Variants in PTPRT observed in about 807,000 individuals in gnomAD.
The protein encoded by PTPRT is protein tyrosine phosphatase receptor type T, also known as receptor-type tyrosine-protein phosphatase T.
PTPRT carries 56 observed loss-of-function variants against 176.8 expected under a neutral mutation model. The ratio of observed to expected loss-of-function variants is 0.32; its 90% CI spans 0.26 to 0.40. PTPRT has a LOEUF of 0.40. Ranked by LOEUF, PTPRT falls within the 10% of genes least tolerant of loss-of-function variation. The probability of loss-of-function intolerance (pLI) is 1.00; values close to 1 mark genes in which losing one functional copy is unlikely to be tolerated. For synonymous variants in PTPRT, 783 were observed against 739.0 expected, an observed-to-expected ratio of 1.06 and a Z score of -0.96; for missense variants, 1,540 against 1,908.2, an observed-to-expected ratio of 0.81 and a Z score of 3.60.
chr20:42,958,169 TAGAG>T (rs1486767658), intron 1 of PTPRT, among the ~76,000 whole-genome samples: 1 of 60,574 alleles, frequency 1.7e-5, no homozygotes, highest in Non-Finnish European at 3.0e-5. Context: ...GAAGGAGAGA[TAGAG>T]AGAGGGAGAG....
intron 1 of PTPRT, among the ~76,000 whole-genome samples, chr20:43,140,442 TAGTGTGTGTGTGTGTGTGTGTGTGTG>T (rs1465907809): frequency 8.1e-6 from 1 of 123,544 alleles, no homozygotes; most frequent in African/African-American, 3.4e-5. Flanking sequence ...AACCTCTGGG[TAGTGTGTGTGTGTGTGTGTGTGTGTG>T]TGTGTGTGTG....
intron 9 of PTPRT, among the ~76,000 whole-genome samples, chr20:42,382,056 T>C (rs2058702711): frequency 6.6e-6 from 1 of 152,202 alleles, no homozygotes; most frequent in South Asian, 2.1e-4. Flanking sequence ...AATAAGACCC[T>C]TTCCTATTTT....
At chr20:42,845,079 G>C (rs979842244) in intron 2 of PTPRT, among the ~76,000 whole-genome samples, 2 of 152,152 alleles carry the variant, frequency 1.3e-5, no homozygotes, top group African/African-American at 4.8e-5. Context: ...GTGGGAGAAG[G>C]GGGCTGCCTA....
chr20:42,120,065 C>T, intron 19 of PTPRT, 94 bp from the exon 20 acceptor site: 2 of 1,160,008 alleles, frequency 1.7e-6, no homozygotes, highest in South Asian at 1.5e-5. Context: ...TCTTGATTTT[C>T]TCATGGGCAA....
intron 24 of PTPRT, among the ~76,000 whole-genome samples, chr20:42,106,158 G>A (rs1986415630): frequency 6.6e-6 from 1 of 152,196 alleles, no homozygotes; most frequent in Non-Finnish European, 1.5e-5. Flanking sequence ...GTTTGGAGGA[G>A]TAGAAACAAT....
At chr20:42,813,565 G>C (rs569236634) in intron 2 of PTPRT, among the ~76,000 whole-genome samples, 1 of 151,828 alleles carries the variant, frequency 6.6e-6, no homozygotes, top group South Asian at 2.1e-4. Flanking sequence ...ACTCCACTCG[G>C]GTGGCTCCAT....
intron 7 of PTPRT, among the ~76,000 whole-genome samples, chr20:42,645,562 T>C (rs761120605): frequency 9.2e-5 from 14 of 151,962 alleles, no homozygotes; most frequent in Non-Finnish European, 1.9e-4. Flanking sequence ...GAACCCAACA[T>C]AACACATGGA....
intron 1 of PTPRT, chr20:42,971,583 C>T (rs1982640515): frequency 6.6e-6 from 1 of 152,062 alleles, no homozygotes; most frequent in Middle Eastern, 3.2e-3. Context: ...CCAAACATAC[C>T]AGTCTTTGTT....
At chr20:42,804,343 A>G (rs2077573849) in intron 2 of PTPRT, among the ~76,000 whole-genome samples, 1 of 152,010 alleles carries the variant, frequency 6.6e-6, no homozygotes, top group Non-Finnish European at 1.5e-5. Flanking sequence ...CTTGACCACA[A>G]TGCAGACCCC....
chr20:42,678,540 G>A (rs1234666255), intron 6 of PTPRT, among the ~76,000 whole-genome samples: 3 of 152,148 alleles, frequency 2.0e-5, no homozygotes, highest in Non-Finnish European at 4.4e-5. Flanking sequence ...ACCACCTGAG[G>A]TGATCCGCTG....
At chr20:43,144,688 C>T (rs891410130) in intron 1 of PTPRT, among the ~76,000 whole-genome samples, 2 of 152,048 alleles carry the variant, frequency 1.3e-5, no homozygotes, top group African/African-American at 2.4e-5. Flanking sequence ...GGGAATGATG[C>T]TAATGGGTAC....
At position 42,080,628 on chromosome 20, in the gene PTPRT, G is replaced by T. The variant is rs1983227857; in HGVS notation, c.*251C>A. 2.7e-6 allele frequency: 1 copy of T among 370,566 alleles called. No homozygotes were observed. The highest frequency in any genetic ancestry group is 4.2e-5 in the Admixed American group (1 of 23,990). 23.0% of individuals were successfully genotyped at this position (370,566 alleles called of 1,614,324 possible). On this transcript the variant is annotated 3_prime_UTR_variant, in exon 31 of 31. Coordinates refer to ENST00000373187, the MANE Select transcript of PTPRT (RefSeq NM_007050.6). ...AGGCCTTGCTTGTGGGTGTACTTCT[G>T]CTTGGGCCCTTGGCTGTGGCTGGTT... is the stretch of plus-strand genomic sequence containing the variant.
intron 2 of PTPRT, among the ~76,000 whole-genome samples, chr20:42,865,752 T>A (rs2078735599): frequency 6.6e-6 from 1 of 151,982 alleles, no homozygotes; most frequent in Non-Finnish European, 1.5e-5. Flanking sequence ...AAGCAACAGC[T>A]CCAACAAAGA....
At chr20:42,808,719 C>G (rs1276909584) in intron 2 of PTPRT, among the ~76,000 whole-genome samples, 2 of 152,152 alleles carry the variant, frequency 1.3e-5, no homozygotes, top group African/African-American at 4.8e-5. Flanking sequence ...TACAAAGACT[C>G]AGACCTTTAT....
chr20:42,193,550 TG>T (rs1255035013), intron 16 of PTPRT, among the ~76,000 whole-genome samples: 1 of 152,244 alleles, frequency 6.6e-6, no homozygotes, highest in Non-Finnish European at 1.5e-5. Context: ...CTTTCTTCAT[TG>T]TGTGACTTTG....
At chr20:42,214,727 A>T (rs2055727981) in intron 15 of PTPRT, among the ~76,000 whole-genome samples, 1 of 152,226 alleles carries the variant, frequency 6.6e-6, no homozygotes, top group Non-Finnish European at 1.5e-5. Context: ...CTGTTGGACC[A>T]TTCTCTGCAC....
intron 20 of PTPRT, 76 bp downstream of exon 20, chr20:42,119,859 C>A: frequency 7.5e-7 from 1 of 1,328,538 alleles, no homozygotes; most frequent in East Asian, 2.4e-5. Flanking sequence ...GAGGACAAGC[C>A]TTGCAGTTAA....
chr20:42,372,258 G>T (rs997010720), intron 9 of PTPRT, among the ~76,000 whole-genome samples: 2 of 147,730 alleles, frequency 1.4e-5, no homozygotes, highest in Non-Finnish European at 3.0e-5. Flanking sequence ...CTGTTAAACA[G>T]AAGACAGGGT....
intron 16 of PTPRT, among the ~76,000 whole-genome samples, chr20:42,164,370 G>C (rs1198258963): frequency 6.6e-6 from 1 of 152,140 alleles, no homozygotes; most frequent in East Asian, 1.9e-4. Context: ...CTGTAAACTT[G>C]GTGTCAGCAA....
Sources: allele counts gnomAD v4.1 joint callset (sites outside exome capture counted in the v4.1 genomes callset), GRCh38; gene constraint gnomAD v4.1.1; transcripts MANE v1.5; gene names NCBI Gene and HGNC (gene_info 2026-07-23, HGNC 2026-07-21).